COLGALT2: variants seen among roughly 807,000 people sequenced by gnomAD.
The protein encoded by COLGALT2 is procollagen galactosyltransferase 2.
Under a neutral mutation model 73.4 loss-of-function variants are expected in COLGALT2, and 49 were observed. The observed-to-expected ratio is 0.67, with a 90% CI of 0.53 to 0.85. The LOEUF (loss-of-function observed/expected upper bound fraction) is 0.85. COLGALT2 is among the 40% of genes least tolerant of loss of function. The pLI, the probability that COLGALT2 is intolerant of heterozygous loss-of-function variation, is 0.00. For missense variants in COLGALT2, 722 were observed against 790.2 expected, an observed-to-expected ratio of 0.91 and a Z score of 1.03; for synonymous variants, 295 against 307.6, an observed-to-expected ratio of 0.96 and a Z score of 0.43.
At chr1:184,003,076 T>C (rs573852711) in intron 1 of COLGALT2, among the ~76,000 whole-genome samples, 1 of 152,280 alleles carries the variant, frequency 6.6e-6, no homozygotes, top group East Asian at 1.9e-4. Context: ...TATGTAGCCA[T>C]AAAGAGTCTC....
At chr1:184,026,172 G>C (rs1219498803) in intron 1 of COLGALT2, among the ~76,000 whole-genome samples, 2 of 152,114 alleles carry the variant, frequency 1.3e-5, no homozygotes, top group Non-Finnish European at 2.9e-5. Flanking sequence ...TTGCACACTA[G>C]GGAAAAATGA....
At chr1:183,953,830 C>G (rs981229880) in intron 7 of COLGALT2, among the ~76,000 whole-genome samples, 2 of 152,152 alleles carry the variant, frequency 1.3e-5, no homozygotes, top group Non-Finnish European at 2.9e-5. Context: ...TCTTAATTCC[C>G]AGTTCTAGCG....
At chr1:183,972,518 A>G (rs2102815049) in intron 4 of COLGALT2, among the ~76,000 whole-genome samples, 1 of 152,314 alleles carries the variant, frequency 6.6e-6, no homozygotes, top group Non-Finnish European at 1.5e-5. Context: ...AGCCATGAGC[A>G]TTCACTAAAA....
At chr1:183,988,349 C>A (rs925637079) in intron 1 of COLGALT2, among the ~76,000 whole-genome samples, 1 of 152,228 alleles carries the variant, frequency 6.6e-6, no homozygotes, top group Admixed American at 6.5e-5. Context: ...TTACTAACAA[C>A]TTTATTGAGA....
At chr1:183,982,317 G>C (rs1186956373) in intron 1 of COLGALT2, among the ~76,000 whole-genome samples, 1 of 152,132 alleles carries the variant, frequency 6.6e-6, no homozygotes, top group Non-Finnish European at 1.5e-5. Context: ...AAGGCCACAG[G>C]CTCCACTGAG....
At chr1:183,995,200 T>G (rs1671738907) in intron 1 of COLGALT2, among the ~76,000 whole-genome samples, 1 of 152,184 alleles carries the variant, frequency 6.6e-6, no homozygotes, top group African/African-American at 2.4e-5. Context: ...ATGTAAGTAC[T>G]TCATCAGTGA....
chr1:183,937,767 T>G lies in COLGALT2; in HGVS notation c.*994A>C, dbSNP rs1669996801. 1.0e-6 allele frequency: 1 copy of G among 985,236 alleles called. No individual in the cohort carries two copies. Among genetic ancestry groups the G allele is most frequent in the African/African-American group, 1.7e-5 (1 of 57,242 alleles). 61.0% of individuals were successfully genotyped at this position (985,236 alleles called of 1,614,324 possible). ...ATCTTCGCCCATTTTGTAAAATAAA[T>G]AATTCAAAATATAATGAAAAAACTC... is the stretch of plus-strand genomic sequence containing the variant. On this transcript the variant is annotated 3_prime_UTR_variant, in exon 12 of 12. Transcript: ENST00000361927.
At chr1:183,968,985 C>T (rs986866848) in intron 5 of COLGALT2, among the ~76,000 whole-genome samples, 1 of 152,122 alleles carries the variant, frequency 6.6e-6, no homozygotes, top group Non-Finnish European at 1.5e-5. Flanking sequence ...AATGCAGTAG[C>T]ACCACAGAGA....
chr1:183,996,222 T>C (rs922606961), intron 1 of COLGALT2, among the ~76,000 whole-genome samples: 15 of 152,228 alleles, frequency 9.9e-5, no homozygotes, highest in African/African-American at 3.6e-4. Flanking sequence ...ACCCCTTCCC[T>C]GCACCTCTGA....
At position 183,942,969 on chromosome 1, in the gene COLGALT2, C is replaced by T. The variant is rs914983201; in HGVS notation, c.1397+1227G>A. ...AGTGAAGTTGCCTTTATACAAGTCA[C>T]GTGGACATCAAGTAGCTTCCAGGCC... On this transcript the variant is annotated intron_variant, in intron 10 of 11. Transcript: ENST00000361927. 6.2e-4 allele frequency among the ~76,000 whole-genome samples: 95 copies of T among 152,210 alleles called. 1 individual carries two copies. Among genetic ancestry groups the T allele is most frequent in the African/African-American group, 2.2e-3 (92 of 41,444 alleles).
At chr1:184,008,953 C>T (rs1237518487) in intron 1 of COLGALT2, among the ~76,000 whole-genome samples, 11 of 151,968 alleles carry the variant, frequency 7.2e-5, no homozygotes, top group Non-Finnish European at 2.9e-5. Context: ...TATGAGAGAC[C>T]TTTGTGTTAT....
chr1:183,988,869 C>T (rs1671557944), intron 1 of COLGALT2, among the ~76,000 whole-genome samples: 1 of 152,120 alleles, frequency 6.6e-6, no homozygotes. Context: ...ATTTTAAATA[C>T]TATGGAAAAA....
Position 183,936,181 on chromosome 1 carries a change from A to C in COLGALT2, c.*2580T>G. On this transcript the variant is annotated 3_prime_UTR_variant, in exon 12 of 12. Coordinates refer to ENST00000361927, the MANE Select transcript of COLGALT2 (RefSeq NM_015101.4). ...GCCAGGCCCAGATGCAAAGGCCTCTATACTGACGCCCTCACATGACACTGC... is the reference window on the plus strand; with the variant it reads ...GCCAGGCCCAGATGCAAAGGCCTCTCTACTGACGCCCTCACATGACACTGC... 5.1e-6 allele frequency: 5 copies of C among 985,576 alleles called. No homozygotes were observed. The highest frequency in any genetic ancestry group is 6.0e-6 in the Non-Finnish European group (5 of 830,028). 61.1% of individuals were successfully genotyped at this position (985,576 alleles called of 1,614,324 possible). A position where few individuals can be genotyped will look rare whatever the true frequency, so the allele number is the denominator to read the frequency against.
At chr1:183,939,422 T>C (rs968725006) in intron 11 of COLGALT2, among the ~76,000 whole-genome samples, 1 of 152,216 alleles carries the variant, frequency 6.6e-6, no homozygotes, top group Non-Finnish European at 1.5e-5. Context: ...TGATGGGGCA[T>C]GTGGCACGTG....
chr1:183,969,564 T>C (rs2102812745), intron 4 of COLGALT2, 91 bp from the exon 5 acceptor site: 1 of 1,163,962 alleles, frequency 8.6e-7, no homozygotes, highest in East Asian at 2.5e-5. Context: ...TTCAAGTCAT[T>C]ACCAGCTATA....
Position 183,936,513 on chromosome 1 carries a change from CAG to C in COLGALT2, c.*2246_*2247del, listed in dbSNP as rs1042033905. ...TTCTTAAATCTGTCAGACCAGCTGACAGGGGAACAGGAAAAAAAAAATTCTCT... is the reference window on the plus strand; with the variant it reads ...TTCTTAAATCTGTCAGACCAGCTGACGGGAACAGGAAAAAAAAAATTCTCT... On this transcript the variant is annotated 3_prime_UTR_variant, in exon 12 of 12. Coordinates refer to ENST00000361927, the MANE Select transcript of COLGALT2 (RefSeq NM_015101.4). 2.1e-5 allele frequency: 21 copies of C among 1,019,676 alleles called. No homozygotes were observed. In the African/African-American group the frequency reaches 2.9e-4, roughly 14 times the overall value. The allele number at this position is 1,019,676 out of a possible 1,614,324, so 63.2% of individuals were successfully genotyped here. A position where few individuals can be genotyped will look rare whatever the true frequency, so the allele number is the denominator to read the frequency against.
At position 183,969,473 on chromosome 1, in the gene COLGALT2, C is replaced by A. The variant is rs1201304722; in HGVS notation, c.628G>T (p.Gly210Cys). ...TAGTCTGGGGTCCTCTTATAGAAGC[C>A]CTGTAAAAGAGCAAATAGGTGGGTT... is the stretch of plus-strand genomic sequence containing the variant. ...SNFWCGITPK[G>C]FYKRTPDYVQ... The change falls in exon 5 of 12, where the codon GGC becomes TGC. Residue 210 changes from glycine to cysteine, a missense_variant and splice_region_variant. Transcript: ENST00000361927. 1.2e-6 allele frequency: 2 copies of A among 1,603,022 alleles called. No individual in the cohort carries two copies. Among genetic ancestry groups the A allele is most frequent in the Admixed American group, 3.4e-5 (2 of 58,320 alleles).
At position 183,986,944 on chromosome 1, in the gene COLGALT2, T is replaced by C. The variant is rs540074631; in HGVS notation, c.264-8424A>G. Among the ~76,000 whole-genome samples the C allele has an allele frequency of 1.4e-3, 208 of 152,250 alleles. 1 individual carries two copies. Among genetic ancestry groups the C allele is most frequent in the African/African-American group, 4.1e-3 (171 of 41,546 alleles). On this transcript the variant is annotated intron_variant, in intron 1 of 11. Transcript: ENST00000361927. ...CCACACCTGTCCAACAAAGAGTAGATGACCAGGAAACACCTGTCAAATTGG... is the reference window on the plus strand; with the variant it reads ...CCACACCTGTCCAACAAAGAGTAGACGACCAGGAAACACCTGTCAAATTGG...
At chr1:183,993,365 G>A (rs1671683550) in intron 1 of COLGALT2, among the ~76,000 whole-genome samples, 1 of 152,258 alleles carries the variant, frequency 6.6e-6, no homozygotes, top group African/African-American at 2.4e-5. Context: ...CAGGACAGAG[G>A]TTCAAGCAAA....
Sources: allele counts gnomAD v4.1 joint callset (sites outside exome capture counted in the v4.1 genomes callset), GRCh38; gene constraint gnomAD v4.1.1; transcripts MANE v1.5; gene names NCBI Gene and HGNC (gene_info 2026-07-23, HGNC 2026-07-21).